The following ADGRL3 variants were observed in gnomAD, a reference collection of about 807,000 sequenced individuals.
The protein encoded by ADGRL3 is adhesion G protein-coupled receptor L3, also known as calcium-independent alpha-latrotoxin receptor 3.
ADGRL3 carries 62 observed loss-of-function variants against 153.5 expected under a neutral mutation model. The ratio of observed to expected loss-of-function variants is 0.40; its 90% CI spans 0.33 to 0.50. ADGRL3 has a LOEUF of 0.50. Among genes scored for constraint, ADGRL3 ranks in the 20% least tolerant of loss-of-function variants. ADGRL3 has a pLI of 0.47. For synonymous variants in ADGRL3, 710 were observed against 672.5 expected (o/e 1.06, Z -0.86); for missense variants, 1,641 against 1,859.4 (o/e 0.88, Z 2.16).
chr4:61,224,288 A>C (rs1746940794), intron 1 of ADGRL3, among the ~76,000 whole-genome samples: 1 of 152,054 alleles, frequency 6.6e-6, no homozygotes, highest in Admixed American at 6.6e-5. Flanking sequence ...ATGTATCTTA[A>C]TTTGGGTCTT....
intron 2 of ADGRL3, among the ~76,000 whole-genome samples, chr4:61,395,926 G>A (rs926953090): frequency 2.0e-5 from 3 of 151,610 alleles, no homozygotes; most frequent in Admixed American, 6.6e-5. Flanking sequence ...TGTTGAGAGC[G>A]CATTGTGCTA....
At chr4:61,451,980 C>T (rs1053003736) in intron 2 of ADGRL3, among the ~76,000 whole-genome samples, 2 of 152,098 alleles carry the variant, frequency 1.3e-5, no homozygotes, top group African/African-American at 4.8e-5. Flanking sequence ...TTTTCAAAGC[C>T]ATTGCCATCT....
At chr4:61,717,787 A>C (rs561087507) in intron 6 of ADGRL3, among the ~76,000 whole-genome samples, 43 of 152,264 alleles carry the variant, frequency 2.8e-4, no homozygotes, top group Non-Finnish European at 4.9e-4. Context: ...TAATCCCAGC[A>C]CTTTGGGAGG....
chr4:61,541,746 T>C (rs902487340), intron 4 of ADGRL3, among the ~76,000 whole-genome samples: 3 of 152,044 alleles, frequency 2.0e-5, no homozygotes, highest in Admixed American at 2.0e-4. Context: ...ATGTGTGGCC[T>C]TTCTTTCTCT....
rs1741455802 is a variant in ADGRL3 at position 62,063,723 on chromosome 4, T to G, written c.3815-4443T>G. ...AATTCTATTTTTCTTTCTCCTGCCT[T>G]TCTTTGTTTTGGAAGCAGACCTGCA... On this transcript the variant is annotated intron_variant, in intron 25 of 26. Transcript: ENST00000683033. 8 of 524,732 alleles carry G rather than the reference T, an allele frequency of 1.5e-5. No individual in the cohort carries two copies. The East Asian group carries it at 2.5e-4, about 16-fold the overall frequency. The allele number at this position is 524,732 out of a possible 1,614,324, so 32.5% of individuals were successfully genotyped here. A position where few individuals can be genotyped will look rare whatever the true frequency, so the allele number is the denominator to read the frequency against.
At chr4:61,707,306 C>T (rs1172014642) in intron 6 of ADGRL3, among the ~76,000 whole-genome samples, 1 of 152,152 alleles carries the variant, frequency 6.6e-6, no homozygotes, top group East Asian at 1.9e-4. Flanking sequence ...CAAGTAAGCA[C>T]ATGCTGTTGA....
chr4:61,805,048 C>T (rs550919257), intron 8 of ADGRL3, among the ~76,000 whole-genome samples: 1 of 151,802 alleles, frequency 6.6e-6, no homozygotes, highest in South Asian at 2.1e-4. Flanking sequence ...CTCCACCTCC[C>T]GGATTCAAGC....
chr4:61,742,926 A>T (rs1580556849), intron 8 of ADGRL3, among the ~76,000 whole-genome samples: 1 of 152,330 alleles, frequency 6.6e-6, no homozygotes, highest in East Asian at 1.9e-4. Flanking sequence ...TATTTATACT[A>T]GCGAAGATAC....
intron 8 of ADGRL3, among the ~76,000 whole-genome samples, chr4:61,761,539 GC>G (rs2096912345): frequency 6.6e-6 from 1 of 152,072 alleles, no homozygotes. Flanking sequence ...CATGCCCTTA[GC>G]CCCAGCACTT....
At chr4:61,780,731 G>T (rs534023775) in intron 8 of ADGRL3, among the ~76,000 whole-genome samples, 5 of 152,290 alleles carry the variant, frequency 3.3e-5, no homozygotes, top group African/African-American at 1.2e-4. Context: ...CTTTCTGACT[G>T]TGTTAATTTA....
intron 21 of ADGRL3, among the ~76,000 whole-genome samples, chr4:62,000,201 C>CT (rs2099135408): frequency 6.6e-6 from 1 of 151,478 alleles, no homozygotes; most frequent in African/African-American, 2.4e-5. Context: ...ATTTATGTAG[C>CT]ACTATGTTAT....
intron 1 of ADGRL3, among the ~76,000 whole-genome samples, chr4:61,361,850 A>G (rs1015017313): frequency 3.3e-5 from 5 of 152,102 alleles, no homozygotes; most frequent in Admixed American, 6.6e-5. Context: ...AAATAAGCAT[A>G]AAGTATAAAA....
chr4:61,674,042 A>T (rs113005959), intron 5 of ADGRL3, among the ~76,000 whole-genome samples: 58 of 151,468 alleles, frequency 3.8e-4, no homozygotes, highest in African/African-American at 1.4e-3. Flanking sequence ...ATGGTAACTA[A>T]TATTTACAAC....
intron 5 of ADGRL3, among the ~76,000 whole-genome samples, chr4:61,665,851 C>G (rs1210374600): frequency 1.3e-5 from 2 of 152,080 alleles, no homozygotes; most frequent in African/African-American, 4.8e-5. Context: ...CCTGACTAGC[C>G]TCAGTACCAA....
intron 6 of ADGRL3, among the ~76,000 whole-genome samples, chr4:61,725,918 G>A (rs183927050): frequency 4.6e-5 from 7 of 152,230 alleles, no homozygotes; most frequent in Admixed American, 3.9e-4. Flanking sequence ...ACTCTTCTCT[G>A]ATGGGAATAA....
intron 2 of ADGRL3, among the ~76,000 whole-genome samples, chr4:61,412,549 G>A (rs2097100296): frequency 6.6e-6 from 1 of 152,162 alleles, no homozygotes; most frequent in East Asian, 1.9e-4. Flanking sequence ...GTGGTAAAGT[G>A]GGTTCTGCCT....
At position 61,857,006 on chromosome 4, in the gene ADGRL3, T is replaced by TTCTTTCTTTC. The variant is rs796589157; in HGVS notation, c.1481-35649_1481-35640dup. On this transcript the variant is annotated intron_variant, in intron 9 of 26. Coordinates refer to ENST00000683033, the MANE Select transcript of ADGRL3 (RefSeq NM_001387552.1). ...TTTCTTTCTTTCTTTCTTTCTTTCTTTCTTTCTTTCCTTCCTCCCTTCCTT... is the reference window on the plus strand; with the variant it reads ...TTTCTTTCTTTCTTTCTTTCTTTCTTTCTTTCTTTCTCTTTCTTTCCTTCCTCCCTTCCTT... Among the ~76,000 whole-genome samples, 27 of 112,724 alleles carry TTCTTTCTTTC rather than the reference T, an allele frequency of 2.4e-4. 1 individual carries two copies. The East Asian group carries it at 2.4e-3, about 10-fold the overall frequency. The allele number at this position is 112,724 out of a possible 152,430, so 74.0% of individuals were successfully genotyped here. A position where few individuals can be genotyped will look rare whatever the true frequency, so the allele number is the denominator to read the frequency against.
At chr4:61,348,786 A>G (rs1395813636) in intron 1 of ADGRL3, among the ~76,000 whole-genome samples, 1 of 152,030 alleles carries the variant, frequency 6.6e-6, no homozygotes, top group Admixed American at 6.6e-5. Context: ...AATCTGATAA[A>G]TCTGCCTTTT....
chr4:61,936,812 A>ACACACG (rs1176238796), intron 15 of ADGRL3, among the ~76,000 whole-genome samples: 2 of 151,796 alleles, frequency 1.3e-5, no homozygotes, highest in African/African-American at 4.8e-5. Flanking sequence ...ACACACACAC[A>ACACACG]CAGAGATATA....
Sources: allele counts gnomAD v4.1 joint callset (sites outside exome capture counted in the v4.1 genomes callset), GRCh38; gene constraint gnomAD v4.1.1; transcripts MANE v1.5; gene names NCBI Gene and HGNC (gene_info 2026-07-23, HGNC 2026-07-21).